MRE11: variants seen among roughly 807,000 people sequenced by gnomAD.
MRE11 encodes double-strand break repair protein MRE11.
Under a neutral mutation model 91.7 loss-of-function variants are expected in MRE11, and 62 were observed. The observed-to-expected ratio is 0.68, with a 90% confidence interval of 0.55 to 0.84. The LOEUF is 0.84. MRE11 is among the 40% of genes least tolerant of loss of function. MRE11 has a pLI of 0.00. For synonymous variants in MRE11, 273 were observed against 271.4 expected (o/e 1.01, Z -0.06); for missense variants, 796 against 852.9 (o/e 0.93, Z 0.83).
At chr11:94,472,001 T>A (rs1322673869) in intron 7 of MRE11, among the ~76,000 whole-genome samples, 1 of 152,044 alleles carries the variant, frequency 6.6e-6, no homozygotes, top group African/African-American at 2.4e-5. Flanking sequence ...GTCAATTCTA[T>A]ATTTGGAGGA....
chr11:94,507,479 A>G, the MRE11 span, among the ~76,000 whole-genome samples: 10 of 152,172 alleles, frequency 6.6e-5, no homozygotes, highest in Non-Finnish European at 1.0e-4. Flanking sequence ...ATTTCAGTGC[A>G]TATCTAGTAA....
At chr11:94,420,460 G>A (rs1384260235) in intron 19 of MRE11, among the ~76,000 whole-genome samples, 1 of 152,102 alleles carries the variant, frequency 6.6e-6, no homozygotes, top group African/African-American at 2.4e-5. Context: ...GTATAGGTAA[G>A]CCAGAAAAAT....
chr11:94,439,484 A>T (rs963616472), intron 16 of MRE11, among the ~76,000 whole-genome samples: 19 of 152,228 alleles, frequency 1.2e-4, no homozygotes, highest in Non-Finnish European at 1.0e-4. Context: ...ATTGCAAAAC[A>T]CTACCACTAA....
At chr11:94,486,443 A>G (rs1947144933) in intron 3 of MRE11, among the ~76,000 whole-genome samples, 1 of 152,228 alleles carries the variant, frequency 6.6e-6, no homozygotes, top group African/African-American at 2.4e-5. Context: ...TTCATTCAGC[A>G]TTTATTTACA....
chr11:94,507,041 A>G, the MRE11 span, among the ~76,000 whole-genome samples: 1 of 152,234 alleles, frequency 6.6e-6, no homozygotes, highest in South Asian at 2.1e-4. Flanking sequence ...AGTAAAATTC[A>G]GAAATCTTGG....
chr11:94,448,707 C>T (rs141852581), intron 14 of MRE11, among the ~76,000 whole-genome samples: 5 of 152,100 alleles, frequency 3.3e-5, no homozygotes, highest in African/African-American at 7.2e-5. Context: ...AAGAACATGC[C>T]ACGCATTTTT....
intron 11 of MRE11, among the ~76,000 whole-genome samples, chr11:94,463,871 G>C (rs1178753403): frequency 6.6e-6 from 1 of 152,116 alleles, no homozygotes; most frequent in Non-Finnish European, 1.5e-5. Context: ...CATGGCACAT[G>C]TATACATATG....
chr11:94,462,417 G>C (rs994531193), intron 11 of MRE11, among the ~76,000 whole-genome samples: 1 of 152,022 alleles, frequency 6.6e-6, no homozygotes, highest in Non-Finnish European at 1.5e-5. Context: ...TCACAGAATT[G>C]GAAAAAACTA....
chr11:94,454,724 C>T (rs184589391), intron 14 of MRE11, among the ~76,000 whole-genome samples: 1 of 152,240 alleles, frequency 6.6e-6, no homozygotes, highest in Admixed American at 6.5e-5. Flanking sequence ...TTGTATAAGA[C>T]GTTCACTCTT....
chr11:94,456,203 T>C (rs563313302), intron 14 of MRE11, 73 bp downstream of exon 14: 1 of 1,425,282 alleles, frequency 7.0e-7, no homozygotes, highest in African/African-American at 1.4e-5. Flanking sequence ...CTGACTATTC[T>C]AACTAAACCT....
chr11:94,450,021 G>GT, intron 14 of MRE11, among the ~76,000 whole-genome samples: 1 of 152,160 alleles, frequency 6.6e-6, no homozygotes. Context: ...CCCTCAACAT[G>GT]TTTAGTGTTC....
intron 18 of MRE11, among the ~76,000 whole-genome samples, chr11:94,434,316 G>GT (rs1248584516): frequency 6.6e-6 from 1 of 152,070 alleles, no homozygotes; most frequent in Non-Finnish European, 1.5e-5. Flanking sequence ...AGTGGGGTCA[G>GT]TATCATAAAG....
At chr11:94,446,134 G>A (rs1446666812) in intron 15 of MRE11, among the ~76,000 whole-genome samples, 1 of 152,154 alleles carries the variant, frequency 6.6e-6, no homozygotes, top group African/African-American at 2.4e-5. Flanking sequence ...TAGGCTGGAC[G>A]TGGTAGCTCA....
the MRE11 span, among the ~76,000 whole-genome samples, chr11:94,502,020 A>G: frequency 6.6e-6 from 1 of 152,160 alleles, no homozygotes; most frequent in African/African-American, 2.4e-5. Flanking sequence ...GTTCTTATAT[A>G]TATATAAGAT....
chr11:94,502,679 G>GT, the MRE11 span, among the ~76,000 whole-genome samples: 2,672 of 151,598 alleles, frequency 0.018, 93 homozygotes, highest in Admixed American at 0.07. Context: ...TTCAATTTTT[G>GT]TTTTTTTTCT....
intron 19 of MRE11, among the ~76,000 whole-genome samples, chr11:94,423,179 A>G (rs1945219358): frequency 1.3e-5 from 2 of 152,178 alleles, no homozygotes; most frequent in Admixed American, 1.3e-4. Flanking sequence ...GAGAGGTGAT[A>G]CAAACTGGAA....
In MRE11 at chr11:94,485,990, C is replaced by A; in HGVS notation, c.248G>T (p.Cys83Phe). The change falls in exon 4 of 20, where the codon TGT becomes TTT. Residue 83 changes from cysteine (C) to phenylalanine (F), a missense_variant. Transcript: ENST00000323929. ...HTCLELLRKY[C>F]MGDRPVQFEI... ...AAACTGGACAGGCCGATCACCCATA[C>A]AATATTTTCTTAATAACTCGAGGCA... 6.2e-7 allele frequency: 1 copy of A among 1,613,814 alleles called. No homozygotes were observed. The highest frequency in any genetic ancestry group is 8.5e-7 in the Non-Finnish European group (1 of 1,179,934).
rs1945080768 is a variant in MRE11, at chr11:94,418,444, T to C, written c.*1681A>G. 4.3e-6 allele frequency: 1 copy of C among 232,334 alleles called. No individual in the cohort carries two copies. Among genetic ancestry groups the C allele is most frequent in the East Asian group, 6.1e-5 (1 of 16,458 alleles). The allele number at this position is 232,334 out of a possible 1,614,324, so 14.4% of individuals were successfully genotyped here. On this transcript the variant is annotated 3_prime_UTR_variant, in exon 20 of 20. Transcript: ENST00000323929. Reference sequence around the variant, plus strand: ...TTCCTAGGAACTTGTCAGGATACTTTAGTGACCATTCCCTCACTATAACTC... The same window carrying C: ...TTCCTAGGAACTTGTCAGGATACTTCAGTGACCATTCCCTCACTATAACTC...
intron 14 of MRE11, among the ~76,000 whole-genome samples, chr11:94,452,209 A>AG: frequency 6.6e-6 from 1 of 151,986 alleles, no homozygotes. Context: ...AAAAAAAAAA[A>AG]AAAAAGAGAA....
Sources: allele counts gnomAD v4.1 joint callset (sites outside exome capture counted in the v4.1 genomes callset), GRCh38; gene constraint gnomAD v4.1.1; transcripts MANE v1.5; gene names NCBI Gene and HGNC (gene_info 2026-07-23, HGNC 2026-07-21).